DOCK3: variants seen among roughly 807,000 people sequenced by gnomAD.
The protein encoded by DOCK3 is dedicator of cytokinesis 3, also known as dedicator of cytokinesis protein 3.
DOCK3 carries 60 observed loss-of-function variants against 265.6 expected under a neutral mutation model. The ratio of observed to expected loss-of-function variants is 0.23; its 90% CI spans 0.18 to 0.28. DOCK3 has a LOEUF of 0.28. Ranked by LOEUF, DOCK3 falls within the 10% of genes least tolerant of loss-of-function variation. DOCK3 has a pLI of 1.00. For missense variants in DOCK3, 1,981 were observed against 2,594.3 expected (o/e 0.76, Z 5.14); for synonymous variants, 881 against 938.0 (o/e 0.94, Z 1.11).
intron 12 of DOCK3, among the ~76,000 whole-genome samples, chr3:51,199,699 C>T (rs1467702381): frequency 6.6e-6 from 1 of 152,242 alleles, no homozygotes; most frequent in African/African-American, 2.4e-5. Flanking sequence ...GTTCTCCCAG[C>T]ACGCAGCTGG....
At chr3:51,114,110 TA>T (rs5848916) in intron 9 of DOCK3, among the ~76,000 whole-genome samples, 135,155 of 149,642 alleles carry the variant, frequency 0.9, 61,152 homozygotes, top group African/African-American at 0.97. Flanking sequence ...CCCTGTCTCA[TA>T]AAAAAAAAAA....
intron 5 of DOCK3, among the ~76,000 whole-genome samples, chr3:51,053,112 T>TAG (rs2081066799): frequency 8.1e-6 from 1 of 124,034 alleles, no homozygotes; most frequent in African/African-American, 3.0e-5. Context: ...TATATATATA[T>TAG]ATATATATAT....
chr3:51,354,486 T>C (rs2086227181), intron 40 of DOCK3, among the ~76,000 whole-genome samples: 1 of 152,236 alleles, frequency 6.6e-6, no homozygotes, highest in African/African-American at 2.4e-5. Context: ...TTGATTGTTG[T>C]TGCCCTGGTT....
chr3:51,133,936 C>T (rs1018377579), intron 9 of DOCK3, among the ~76,000 whole-genome samples: 3 of 152,186 alleles, frequency 2.0e-5, no homozygotes, highest in Non-Finnish European at 4.4e-5. Context: ...TCCTCCCACC[C>T]TCACCCTCAG....
chr3:51,286,168 C>T (rs2081393138), intron 27 of DOCK3, among the ~76,000 whole-genome samples: 1 of 152,064 alleles, frequency 6.6e-6, no homozygotes, highest in African/African-American at 2.4e-5. Context: ...TTTTTATACA[C>T]CAACAACATT....
chr3:50,870,146 A>G (rs1240802740), intron 3 of DOCK3, among the ~76,000 whole-genome samples: 1 of 152,208 alleles, frequency 6.6e-6, no homozygotes, highest in Non-Finnish European at 1.5e-5. Context: ...TGTAGTGCAG[A>G]TTAAATCTGA....
intron 32 of DOCK3, among the ~76,000 whole-genome samples, chr3:51,325,847 G>A (rs540460379): frequency 3.0e-4 from 45 of 152,268 alleles, no homozygotes; most frequent in African/African-American, 1.1e-3. Context: ...TCACTCATAA[G>A]TGGGAGCTGA....
chr3:50,833,913 A>AT (rs1322431410), intron 2 of DOCK3, among the ~76,000 whole-genome samples: 1 of 152,152 alleles, frequency 6.6e-6, no homozygotes, highest in African/African-American at 2.4e-5. Flanking sequence ...TATGCTTCAA[A>AT]TTTTTTTCAC....
intron 9 of DOCK3, among the ~76,000 whole-genome samples, chr3:51,109,017 T>G (rs2109814758): frequency 6.6e-6 from 1 of 151,884 alleles, no homozygotes; most frequent in South Asian, 2.1e-4. Context: ...AACTCAACAC[T>G]GGACCAAATG....
intron 12 of DOCK3, among the ~76,000 whole-genome samples, chr3:51,191,045 G>A (rs545783198): frequency 1.3e-5 from 2 of 152,298 alleles, no homozygotes; most frequent in South Asian, 4.1e-4. Flanking sequence ...TGGCAAGGCA[G>A]GTCTCATACC....
chr3:50,931,561 G>A (rs1331862465), intron 4 of DOCK3, among the ~76,000 whole-genome samples: 1 of 152,192 alleles, frequency 6.6e-6, no homozygotes, highest in African/African-American at 2.4e-5. Context: ...TTGAATTTGT[G>A]TAGCAAGTCA....
intron 3 of DOCK3, chr3:50,880,535 G>A: frequency 5.0e-6 from 1 of 198,928 alleles, no homozygotes; most frequent in African/African-American, 2.4e-5. Flanking sequence ...AGAAGAAATG[G>A]ATAAATTCCT....
intron 1 of DOCK3, among the ~76,000 whole-genome samples, chr3:50,711,092 C>G (rs1303192764): frequency 6.6e-6 from 1 of 152,062 alleles, no homozygotes; most frequent in Non-Finnish European, 1.5e-5. Context: ...ACCTGTTTCC[C>G]AAAAACTATT....
chr3:51,005,008 T>A (rs527369481), intron 5 of DOCK3, among the ~76,000 whole-genome samples: 44 of 151,610 alleles, frequency 2.9e-4, no homozygotes, highest in African/African-American at 1.1e-3. Context: ...ATTTCTTGAT[T>A]TATATGTTGT....
In DOCK3 at chr3:51,277,664, C is replaced by T; in HGVS notation, c.2733C>T (p.Leu911=). The T allele has an allele frequency of 6.2e-7, 1 of 1,603,276 alleles. No individual in the cohort carries two copies. The change falls in exon 26 of 53, where the codon CTC becomes CTT. Residue 911 remains leucine, a synonymous_variant. Coordinates refer to ENST00000266037, the MANE Select transcript of DOCK3 (RefSeq NM_004947.5). ...EMMVESLLDV[L]LQTLLTIMSK... Reference sequence around the variant, plus strand: ...TGGTGGAGAGCCTCCTGGACGTGCTCTTGCAGACTCTGCTCACCATCATGA... The same window carrying T: ...TGGTGGAGAGCCTCCTGGACGTGCTTTTGCAGACTCTGCTCACCATCATGA...
At chr3:51,123,124 C>T (rs1304266524) in intron 9 of DOCK3, among the ~76,000 whole-genome samples, 1 of 152,170 alleles carries the variant, frequency 6.6e-6, no homozygotes, top group South Asian at 2.1e-4. Context: ...CAGCCATAAC[C>T]AGTCCGTAGC....
intron 1 of DOCK3, among the ~76,000 whole-genome samples, chr3:50,735,876 C>T (rs949436752): frequency 3.3e-5 from 5 of 152,006 alleles, no homozygotes; most frequent in Non-Finnish European, 5.9e-5. Flanking sequence ...TTACTCATGG[C>T]GGAAGGCATA....
chr3:51,059,455 C>CCA (rs57596003), intron 5 of DOCK3, among the ~76,000 whole-genome samples: 2,687 of 140,662 alleles, frequency 0.019, 32 homozygotes, highest in South Asian at 0.022. Flanking sequence ...AGAAAAAAAA[C>CCA]CACACACACA....
At chr3:50,990,623 A>G (rs2078070112) in intron 5 of DOCK3, among the ~76,000 whole-genome samples, 1 of 152,188 alleles carries the variant, frequency 6.6e-6, no homozygotes, top group Admixed American at 6.5e-5. Context: ...TTTATTAAGG[A>G]GTATTAACTC....
Sources: gnomAD v4.1 joint callset for allele counts (sites outside exome capture counted in the v4.1 genomes callset) on GRCh38, gnomAD v4.1.1 for gene constraint, MANE v1.5 for transcripts, NCBI Gene and HGNC (gene_info 2026-07-23, HGNC 2026-07-21) for gene names.